The following VSIG10 variants were observed in gnomAD, a reference collection of about 807,000 sequenced individuals.
VSIG10 encodes the protein V-set and immunoglobulin domain-containing protein 10.
In VSIG10, 48 loss-of-function variants were observed where a neutral mutation model predicts 58.7. That is an observed-to-expected ratio of 0.82 (90% confidence interval 0.65 to 1.04). The LOEUF (loss-of-function observed/expected upper bound fraction) is 1.04, where lower values mean the gene tolerates loss of function less well. VSIG10 is among the 50% of genes least tolerant of loss of function. The probability of loss-of-function intolerance (pLI) is 0.00; values close to 1 mark genes in which losing one functional copy is unlikely to be tolerated. For synonymous variants in VSIG10, 260 were observed against 267.1 expected (o/e 0.97, Z 0.26); for missense variants, 628 against 670.0 (o/e 0.94, Z 0.69).
chr12:118,087,837 C>CAAAAAAA (rs10654315), intron 2 of VSIG10, among the ~76,000 whole-genome samples: 19,386 of 61,644 alleles, frequency 0.31, 3,801 homozygotes, highest in Non-Finnish European at 0.37. Flanking sequence ...GATCCTGTCT[C>CAAAAAAA]AAAAAAAAAA....
intron 2 of VSIG10, among the ~76,000 whole-genome samples, chr12:118,091,291 G>A (rs532555111): frequency 6.6e-6 from 1 of 152,076 alleles, no homozygotes; most frequent in Non-Finnish European, 1.5e-5. Context: ...AGGAGATCGA[G>A]ACCATCCTGG....
At chr12:118,087,527 C>T (rs2033161743) in intron 2 of VSIG10, among the ~76,000 whole-genome samples, 1 of 151,960 alleles carries the variant, frequency 6.6e-6, no homozygotes, top group South Asian at 2.1e-4. Flanking sequence ...AGAATGTTTC[C>T]AAATTGTTCT....
At chr12:118,072,813 G>A (rs1401612366) in intron 5 of VSIG10, among the ~76,000 whole-genome samples, 1 of 152,180 alleles carries the variant, frequency 6.6e-6, no homozygotes, top group African/African-American at 2.4e-5. Flanking sequence ...AGGGTTCCCA[G>A]GTAAAATTCA....
intron 2 of VSIG10, among the ~76,000 whole-genome samples, chr12:118,088,286 T>C (rs2033193206): frequency 6.6e-6 from 1 of 151,064 alleles, no homozygotes; most frequent in South Asian, 2.1e-4. Context: ...GGTTGATTGT[T>C]GAGAACTTGA....
intron 4 of VSIG10, among the ~76,000 whole-genome samples, chr12:118,078,093 T>C (rs140090875): frequency 1.3e-5 from 2 of 152,336 alleles, no homozygotes; most frequent in Admixed American, 6.5e-5. Flanking sequence ...TAAGGCCTAA[T>C]GGAAGGTGTT....
Position 118,068,378 on chromosome 12 carries a change from T to G in VSIG10, c.1566A>C (p.Gln522His), listed in dbSNP as rs770704331. Residue 522 changes from glutamine to histidine, a missense_variant and splice_region_variant, in exon 8 of 9, where the codon CAA becomes CAC. Physicochemically the swap from Gln to His is conservative, Grantham distance 24. Transcript: ENST00000359236. ...EQMGNGFQDL[Q>H]DDSSEEQSDI... ...TTTGTTTAAGGAAAAAGAGCTTACC[T>G]TGAAGATCCTGGAATCCATTTCCCA... 6.2e-7 allele frequency: 1 copy of G among 1,612,740 alleles called. No individual in the cohort carries two copies. Among genetic ancestry groups the G allele is most frequent in the South Asian group, 1.1e-5 (1 of 90,842 alleles).
intron 2 of VSIG10, among the ~76,000 whole-genome samples, chr12:118,085,244 A>C (rs1202760154): frequency 1.3e-5 from 2 of 152,186 alleles, no homozygotes; most frequent in Non-Finnish European, 2.9e-5. Flanking sequence ...ATCAGCCAGG[A>C]AACATGGATC....
In VSIG10 at chr12:118,066,527, T is replaced by A. The variant is rs990450327; in HGVS notation, c.*112A>T. On this transcript the variant is annotated 3_prime_UTR_variant, in exon 9 of 9. Coordinates refer to ENST00000359236, the MANE Select transcript of VSIG10 (RefSeq NM_019086.6). ...TTTTTTGCTGAGACCCAAACATTGT[T>A]AGTGCAAGCCCCCGCCAGGGGTGCA... 8.7e-7 allele frequency: 1 copy of A among 1,146,642 alleles called. No individual in the cohort carries two copies. Among genetic ancestry groups the A allele is most frequent in the Non-Finnish European group, 1.3e-6 (1 of 762,184 alleles). The allele number at this position is 1,146,642 out of a possible 1,614,324, so 71.0% of individuals were successfully genotyped here.
At chr12:118,096,740 A>T (rs1460407566) in intron 1 of VSIG10, among the ~76,000 whole-genome samples, 1 of 150,932 alleles carries the variant, frequency 6.6e-6, no homozygotes, top group Non-Finnish European at 1.5e-5. Context: ...CTTAAGATGC[A>T]ATAACACATA....
intron 1 of VSIG10, among the ~76,000 whole-genome samples, chr12:118,103,383 G>C (rs35800761): frequency 0.16 from 24,770 of 152,044 alleles, 2,104 homozygotes; most frequent in South Asian, 0.21. Context: ...GAGGCTGGGG[G>C]TATCTCGCCC....
intron 3 of VSIG10, among the ~76,000 whole-genome samples, chr12:118,080,908 G>A (rs370645469): frequency 6.6e-6 from 1 of 152,082 alleles, no homozygotes; most frequent in African/African-American, 2.4e-5. Flanking sequence ...TGGGTACAGG[G>A]TTATTTGGGA....
Position 118,073,904 on chromosome 12 carries a change from G to A in VSIG10, c.1014C>T (p.Pro338=). The change falls in exon 5 of 9, where the codon CCC becomes CCT. Residue 338 remains proline, a synonymous_variant. Transcript: ENST00000359236. ...TCCTCAGCCACAGGATCTTGGCAGG[G>A]GGGTAGGCCCCAGACACCTGGCATG... is the stretch of plus-strand genomic sequence containing the variant. ...TLTCQVSGAY[P]PAKILWLRNL... is the part of the protein sequence containing the mutation. 1 of 1,613,832 alleles carries A rather than the reference G, an allele frequency of 6.2e-7. No individual in the cohort carries two copies. The highest frequency in any genetic ancestry group is 8.5e-7 in the Non-Finnish European group (1 of 1,179,778).
chr12:118,100,200 T>C (rs999668346), intron 1 of VSIG10, among the ~76,000 whole-genome samples: 1 of 151,824 alleles, frequency 6.6e-6, no homozygotes, highest in Admixed American at 6.6e-5. Context: ...TGAAACCTCA[T>C]CTCTACTAAA....
intron 2 of VSIG10, among the ~76,000 whole-genome samples, chr12:118,084,377 G>T (rs2033055847): frequency 6.6e-6 from 1 of 152,184 alleles, no homozygotes. Context: ...ATTCGAAAAT[G>T]ACTTCAGAAT....
intron 2 of VSIG10, among the ~76,000 whole-genome samples, chr12:118,094,250 A>C (rs1318399727): frequency 6.6e-6 from 1 of 152,162 alleles, no homozygotes; most frequent in Non-Finnish European, 1.5e-5. Context: ...ACACCACCGC[A>C]CCTGGCTTTG....
intron 2 of VSIG10, among the ~76,000 whole-genome samples, chr12:118,086,784 G>A (rs2033141092): frequency 6.6e-6 from 1 of 151,926 alleles, no homozygotes; most frequent in Admixed American, 6.6e-5. Flanking sequence ...TTTTTGAGAT[G>A]GAGTCTCACT....
At chr12:118,089,843 C>T (rs1024180969) in intron 2 of VSIG10, among the ~76,000 whole-genome samples, 2 of 152,162 alleles carry the variant, frequency 1.3e-5, no homozygotes, top group African/African-American at 4.8e-5. Context: ...TGCATTTTCA[C>T]CAAGGCCACT....
At chr12:118,091,885 G>A (rs2033310506) in intron 2 of VSIG10, among the ~76,000 whole-genome samples, 1 of 151,810 alleles carries the variant, frequency 6.6e-6, no homozygotes, top group Non-Finnish European at 1.5e-5. Context: ...AGCTTCCCGA[G>A]TAGCTGGGAT....
chr12:118,075,983 T>C (rs1399572473), intron 4 of VSIG10, among the ~76,000 whole-genome samples: 1 of 152,182 alleles, frequency 6.6e-6, no homozygotes, highest in Non-Finnish European at 1.5e-5. Context: ...ATAAACTGGC[T>C]ACTGTATCCA....
Sources: allele counts gnomAD v4.1 joint callset (sites outside exome capture counted in the v4.1 genomes callset), GRCh38; gene constraint gnomAD v4.1.1; transcripts MANE v1.5; gene names NCBI Gene and HGNC (gene_info 2026-07-23, HGNC 2026-07-21).